PACS1: variants seen among roughly 807,000 people sequenced by gnomAD.
PACS1 encodes the protein phosphofurin acidic cluster sorting protein 1.
Under a neutral mutation model 115.0 loss-of-function variants are expected in PACS1, and 24 were observed. That is an observed-to-expected ratio of 0.21 (90% CI 0.15 to 0.29). The LOEUF (loss-of-function observed/expected upper bound fraction) is 0.29, where lower values mean the gene tolerates loss of function less well. PACS1 is among the 10% of genes least tolerant of loss of function. PACS1 has a pLI of 1.00. For missense variants in PACS1, 838 were observed against 1,251.2 expected, an observed-to-expected ratio of 0.67 and a Z score of 4.98; for synonymous variants, 453 against 504.5, an observed-to-expected ratio of 0.90 and a Z score of 1.37.
At chr11:66,137,031 C>G (rs746072792) in intron 1 of PACS1, among the ~76,000 whole-genome samples, 6 of 149,650 alleles carry the variant, frequency 4.0e-5, no homozygotes, top group African/African-American at 9.8e-5. Flanking sequence ...TGCCCCCCCC[C>G]CCACCATTTC....
chr11:66,117,571 G>A (rs1590755675), intron 1 of PACS1, among the ~76,000 whole-genome samples: 2 of 152,176 alleles, frequency 1.3e-5, no homozygotes, highest in African/African-American at 4.8e-5. Flanking sequence ...TTATGGCCGG[G>A]CGTGGTGGCC....
intron 22 of PACS1, among the ~76,000 whole-genome samples, chr11:66,242,175 G>A (rs1233807073): frequency 6.6e-6 from 1 of 152,212 alleles, no homozygotes; most frequent in Non-Finnish European, 1.5e-5. Context: ...CGGCTCCTGT[G>A]CGTGGGAGTG....
chr11:66,137,344 AT>A (rs1858870926), intron 1 of PACS1, among the ~76,000 whole-genome samples: 1 of 151,840 alleles, frequency 6.6e-6, no homozygotes. Context: ...GTTCAAATTA[AT>A]TTTTTTCCAG....
chr11:66,117,039 G>T (rs890342556), intron 1 of PACS1, among the ~76,000 whole-genome samples: 1 of 152,076 alleles, frequency 6.6e-6, no homozygotes, highest in African/African-American at 2.4e-5. Context: ...GAAGTGTCAG[G>T]AGTAGTACTG....
chr11:66,122,550 T>C (rs1858469480), intron 1 of PACS1, among the ~76,000 whole-genome samples: 1 of 152,246 alleles, frequency 6.6e-6, no homozygotes, highest in Non-Finnish European at 1.5e-5. Flanking sequence ...TTCACCATTT[T>C]AGATGCCATT....
chr11:66,100,283 G>A (rs1857884899), intron 1 of PACS1, among the ~76,000 whole-genome samples: 1 of 152,108 alleles, frequency 6.6e-6, no homozygotes, highest in South Asian at 2.1e-4. Context: ...ATGTTTGTAA[G>A]TACCTCTTCC....
chr11:66,081,349 TAGAA>T (rs1857475077), intron 1 of PACS1, among the ~76,000 whole-genome samples: 2 of 152,364 alleles, frequency 1.3e-5, no homozygotes, highest in Admixed American at 1.3e-4. Flanking sequence ...TGTGGCAACA[TAGAA>T]AGCACTTAAT....
Position 66,070,698 on chromosome 11 carries a change from C to G in PACS1, c.212C>G (p.Ser71Cys). ...GCGGCTGCCTCCTCCTCGTCCTCGT[C>G]TACCTCCACCTCCATGGCCGTGGCG... ...SAAAASSSSS[S>C]TSTSMAVAVA... Residue 71 changes from serine to cysteine, a missense_variant, in exon 1 of 24, where the codon TCT becomes TGT. Coordinates refer to ENST00000320580, the MANE Select transcript of PACS1 (RefSeq NM_018026.4). The surrounding 1 kb of genome is among the most constrained non-coding windows in gnomAD (Gnocchi z 5.9). 1.3e-6 allele frequency: 2 copies of G among 1,580,778 alleles called. No homozygotes were observed. The highest frequency in any genetic ancestry group is 2.8e-5 in the African/African-American group (2 of 72,262).
chr11:66,229,120 A>G (rs1475668945), intron 11 of PACS1, among the ~76,000 whole-genome samples: 1 of 146,372 alleles, frequency 6.8e-6, no homozygotes. Context: ...CACACCTGTA[A>G]TCCCAGTACT....
At chr11:66,101,559 G>C (rs1316237064) in intron 1 of PACS1, among the ~76,000 whole-genome samples, 4 of 152,184 alleles carry the variant, frequency 2.6e-5, no homozygotes, top group African/African-American at 7.2e-5. Context: ...AGAGGGACAG[G>C]CTTCAAAGAA....
At chr11:66,081,829 C>T (rs1387703009) in intron 1 of PACS1, among the ~76,000 whole-genome samples, 3 of 152,180 alleles carry the variant, frequency 2.0e-5, no homozygotes, top group Admixed American at 6.5e-5. Flanking sequence ...CTGAGCAACT[C>T]CTAGGAAAAT....
chr11:66,081,440 C>CA, intron 1 of PACS1, among the ~76,000 whole-genome samples: 1 of 142,282 alleles, frequency 7.0e-6, no homozygotes, highest in South Asian at 2.2e-4. Context: ...CAAAACAAAA[C>CA]AAACAAAACA....
chr11:66,117,802 G>A (rs1023750592), intron 1 of PACS1, among the ~76,000 whole-genome samples: 8 of 151,562 alleles, frequency 5.3e-5, no homozygotes, highest in African/African-American at 1.2e-4. Context: ...CCGAGATTGC[G>A]CCATTGCACT....
intron 1 of PACS1, among the ~76,000 whole-genome samples, chr11:66,141,766 A>AT (rs1858995213): frequency 6.6e-6 from 1 of 151,470 alleles, no homozygotes; most frequent in Non-Finnish European, 1.5e-5. Context: ...ACACCTAGCT[A>AT]TTTTTTGTTG....
At chr11:66,220,478 T>C in intron 8 of PACS1, 153 bp from the exon 9 acceptor site, 2 of 698,652 alleles carry the variant, frequency 2.9e-6, no homozygotes, top group South Asian at 1.9e-5. Flanking sequence ...GGCTGGATCA[T>C]GGAAATGACG....
chr11:66,227,352 C>G (rs745726256), intron 10 of PACS1, 152 bp from the exon 11 acceptor site: 4 of 550,444 alleles, frequency 7.3e-6, no homozygotes, highest in Admixed American at 3.4e-5. Context: ...GAAATGTACC[C>G]GCCTCCCCGG....
intron 1 of PACS1, among the ~76,000 whole-genome samples, chr11:66,092,903 G>A (rs541203669): frequency 6.6e-6 from 1 of 152,250 alleles, no homozygotes; most frequent in South Asian, 2.1e-4. Flanking sequence ...GTACCATGCT[G>A]TTTCGGTTAC....
intron 2 of PACS1, among the ~76,000 whole-genome samples, chr11:66,198,243 G>A (rs1354925091): frequency 6.6e-6 from 1 of 152,192 alleles, no homozygotes. Context: ...GTAACCATAT[G>A]ACTTAGCAAT....
intron 7 of PACS1, among the ~76,000 whole-genome samples, chr11:66,219,278 G>T (rs2134715558): frequency 6.6e-6 from 1 of 152,056 alleles, no homozygotes; most frequent in Admixed American, 6.6e-5. Context: ...GAACGAGAAG[G>T]AGAGACTCCA....
Sources: allele counts gnomAD v4.1 joint callset (sites outside exome capture counted in the v4.1 genomes callset), GRCh38; gene constraint gnomAD v4.1.1; non-coding constraint Gnocchi (gnomAD v3.1); transcripts MANE v1.5; gene names NCBI Gene and HGNC (gene_info 2026-07-23, HGNC 2026-07-21).